The following SLC25A21 variants were observed in gnomAD, a reference collection of about 807,000 sequenced individuals.
SLC25A21 encodes the protein mitochondrial 2-oxodicarboxylate carrier.
In SLC25A21, 47 loss-of-function variants were observed where a neutral mutation model predicts 43.8. The ratio of observed to expected loss-of-function variants is 1.07; its 90% CI spans 0.85 to 1.37. SLC25A21 has a LOEUF of 1.37. SLC25A21 is among the 40% of genes most tolerant of loss of function. The pLI, the probability that SLC25A21 is intolerant of heterozygous loss-of-function variation, is 0.00. For missense variants in SLC25A21, 352 were observed against 350.2 expected, an observed-to-expected ratio of 1.00 and a Z score of -0.04; for synonymous variants, 131 against 121.3, an observed-to-expected ratio of 1.08 and a Z score of -0.52.
At chr14:37,023,569 T>C (rs114272382) in intron 1 of SLC25A21, among the ~76,000 whole-genome samples, 1,615 of 152,120 alleles carry the variant, frequency 0.011, 11 homozygotes, top group African/African-American at 0.026. Context: ...CATCTATTGA[T>C]TCATCAATAA....
intron 1 of SLC25A21, among the ~76,000 whole-genome samples, chr14:36,937,261 G>A (rs1594705105): frequency 6.6e-6 from 1 of 152,186 alleles, no homozygotes; most frequent in Non-Finnish European, 1.5e-5. Flanking sequence ...TCTTAGCAAC[G>A]TTGTTCTCAC....
intron 3 of SLC25A21, among the ~76,000 whole-genome samples, chr14:36,764,156 GA>G (rs1555326636): frequency 1.6e-5 from 1 of 63,538 alleles, no homozygotes; most frequent in Admixed American, 2.0e-4. Flanking sequence ...AAGAAAGAAA[GA>G]AAGAAAGAAA....
Position 36,793,533 on chromosome 14 carries a change from C to CAAA in SLC25A21, c.203+20382_203+20384dup, listed in dbSNP as rs35553282. On this transcript the variant is annotated intron_variant, in intron 3 of 9. Transcript: ENST00000331299. ...CTCTGCTCCTCCCAGAAAATACAAC[C>CAAA]AAAAAAAAAAAAAAAACCCAGCATG... 2.8e-3 allele frequency among the ~76,000 whole-genome samples: 358 copies of CAAA among 125,890 alleles called. 4 individuals carry two copies. Among genetic ancestry groups the CAAA allele is most frequent in the African/African-American group, 6.3e-3 (214 of 34,166 alleles). 82.6% of individuals were successfully genotyped at this position (125,890 alleles called of 152,430 possible).
intron 3 of SLC25A21, among the ~76,000 whole-genome samples, chr14:36,787,452 T>A (rs1310935152): frequency 1.3e-5 from 2 of 152,208 alleles, no homozygotes. Flanking sequence ...TAAAGCATAC[T>A]TAGCATGCTA....
intron 1 of SLC25A21, among the ~76,000 whole-genome samples, chr14:36,984,404 C>T (rs1960099496): frequency 6.6e-6 from 1 of 152,148 alleles, no homozygotes; most frequent in Admixed American, 6.5e-5. Context: ...CTTCTGTTTA[C>T]ATTGAGAAGA....
At chr14:37,159,874 G>C (rs1383371258) in intron 1 of SLC25A21, among the ~76,000 whole-genome samples, 1 of 151,886 alleles carries the variant, frequency 6.6e-6, no homozygotes, top group Non-Finnish European at 1.5e-5. Flanking sequence ...CAACTCAAAA[G>C]GACAAAGATA....
intron 1 of SLC25A21, among the ~76,000 whole-genome samples, chr14:37,168,919 AAGGGT>A (rs1312441580): frequency 2.6e-5 from 4 of 152,254 alleles, no homozygotes; most frequent in Middle Eastern, 3.4e-3. Context: ...CTCCAAGTGA[AAGGGT>A]AGATAAGCAG....
intron 3 of SLC25A21, among the ~76,000 whole-genome samples, chr14:36,798,892 T>C (rs1365439405): frequency 4.1e-5 from 6 of 147,070 alleles, no homozygotes; most frequent in African/African-American, 1.2e-4. Flanking sequence ...TTTCTTCTAA[T>C]AGGGAGAGAA....
chr14:36,855,824 C>T lies in SLC25A21; in HGVS notation c.119+19132G>A, dbSNP rs77644885. Among the ~76,000 whole-genome samples, 421 of 152,278 alleles carry T rather than the reference C, an allele frequency of 2.8e-3. 2 individuals are homozygous for T. Among genetic ancestry groups the T allele is most frequent in the African/African-American group, 9.5e-3 (394 of 41,556 alleles). On this transcript the variant is annotated intron_variant, in intron 2 of 9. Transcript: ENST00000331299. Reference sequence around the variant, plus strand: ...TTGTCACATATCAATACGTATGCCTCGAACAGTTCCTTCCCTTAACCCAGT... The same window carrying T: ...TTGTCACATATCAATACGTATGCCTTGAACAGTTCCTTCCCTTAACCCAGT...
intron 1 of SLC25A21, among the ~76,000 whole-genome samples, chr14:37,090,940 G>A (rs376991896): frequency 2.0e-3 from 309 of 152,268 alleles, no homozygotes; most frequent in African/African-American, 6.8e-3. Flanking sequence ...AAGTTCCTGT[G>A]TGTCTCTGGT....
intron 3 of SLC25A21, among the ~76,000 whole-genome samples, chr14:36,812,371 A>G (rs1016136010): frequency 2.0e-5 from 3 of 151,874 alleles, no homozygotes; most frequent in African/African-American, 7.2e-5. Context: ...AACATCTGTT[A>G]TAGAAAACAT....
chr14:37,164,123 G>A (rs1480684959), intron 1 of SLC25A21, among the ~76,000 whole-genome samples: 1 of 152,070 alleles, frequency 6.6e-6, no homozygotes, highest in African/African-American at 2.4e-5. Flanking sequence ...CACATATTAA[G>A]GGTAGTTACA....
At chr14:36,718,072 G>A (rs569818379) in intron 6 of SLC25A21, among the ~76,000 whole-genome samples, 3 of 152,128 alleles carry the variant, frequency 2.0e-5, no homozygotes, top group East Asian at 3.9e-4. Flanking sequence ...ATCAAATAAA[G>A]GGAAAAACTC....
At chr14:36,888,982 C>G (rs574180117) in intron 1 of SLC25A21, among the ~76,000 whole-genome samples, 1 of 152,194 alleles carries the variant, frequency 6.6e-6, no homozygotes, top group Non-Finnish European at 1.5e-5. Context: ...AATCACGCTG[C>G]TACAATACTT....
At chr14:37,109,079 A>G (rs1431474614) in intron 1 of SLC25A21, among the ~76,000 whole-genome samples, 1 of 152,140 alleles carries the variant, frequency 6.6e-6, no homozygotes, top group African/African-American at 2.4e-5. Flanking sequence ...ATTTTGTCCT[A>G]CTTTGCAACA....
chr14:36,878,567 T>C (rs1566701735), intron 1 of SLC25A21, among the ~76,000 whole-genome samples: 3 of 152,172 alleles, frequency 2.0e-5, no homozygotes, highest in African/African-American at 4.8e-5. Flanking sequence ...ATTAATCGTG[T>C]TACATAGGCC....
intron 1 of SLC25A21, among the ~76,000 whole-genome samples, chr14:36,936,236 G>A (rs1892419750): frequency 6.6e-6 from 1 of 152,136 alleles, no homozygotes; most frequent in Admixed American, 6.6e-5. Flanking sequence ...TTACTTGTGT[G>A]GCACTTCCTG....
chr14:36,867,535 C>T (rs571199572), intron 2 of SLC25A21, among the ~76,000 whole-genome samples: 10 of 152,296 alleles, frequency 6.6e-5, no homozygotes, highest in African/African-American at 2.4e-4. Context: ...AGCAGGAACA[C>T]AGACACTAAA....
chr14:36,801,100 C>T (rs1393326029), intron 3 of SLC25A21, among the ~76,000 whole-genome samples: 2 of 152,250 alleles, frequency 1.3e-5, no homozygotes, highest in Non-Finnish European at 2.9e-5. Context: ...CATTCTGGGC[C>T]TCAACTGAAG....
Sources: allele counts gnomAD v4.1 joint callset (sites outside exome capture counted in the v4.1 genomes callset), GRCh38; gene constraint gnomAD v4.1.1; transcripts MANE v1.5; gene names NCBI Gene and HGNC (gene_info 2026-07-23, HGNC 2026-07-21).